The following TMEM163 variants were observed in gnomAD, a reference collection of about 807,000 sequenced individuals.
The protein encoded by TMEM163 is transmembrane protein 163.
TMEM163 carries 17 observed loss-of-function variants against 29.3 expected under a neutral mutation model. That is an observed-to-expected ratio of 0.58 (90% confidence interval 0.40 to 0.87). The LOEUF (loss-of-function observed/expected upper bound fraction) is 0.87, where lower values mean the gene tolerates loss of function less well. TMEM163 is among the 40% of genes least tolerant of loss of function. TMEM163 has a pLI of 0.00. For synonymous variants in TMEM163, 157 were observed against 160.6 expected, an observed-to-expected ratio of 0.98 and a Z score of 0.17; for missense variants, 303 against 381.5, an observed-to-expected ratio of 0.79 and a Z score of 1.71.
intron 4 of TMEM163, among the ~76,000 whole-genome samples, chr2:134,538,571 C>T (rs750258900): frequency 1.2e-4 from 19 of 152,140 alleles, no homozygotes; most frequent in Non-Finnish European, 2.2e-4. Context: ...GCCCATCAAC[C>T]GATGAATGGA....
At chr2:134,681,349 C>A (rs1684229522) in intron 2 of TMEM163, among the ~76,000 whole-genome samples, 1 of 152,186 alleles carries the variant, frequency 6.6e-6, no homozygotes, top group Non-Finnish European at 1.5e-5. Flanking sequence ...TGCCTCCTAC[C>A]CTCTTCTCCA....
At chr2:134,473,535 C>CAAAA (rs59806390) in intron 5 of TMEM163, among the ~76,000 whole-genome samples, 7,461 of 103,552 alleles carry the variant, frequency 0.072, 604 homozygotes, top group East Asian at 0.32. Context: ...AACTCTGTCT[C>CAAAA]AAAAAAAAAA....
intron 5 of TMEM163, among the ~76,000 whole-genome samples, chr2:134,495,944 C>T (rs936138180): frequency 1.3e-5 from 2 of 152,208 alleles, no homozygotes; most frequent in Admixed American, 6.5e-5. Context: ...GCCATTGCCC[C>T]CTGGAAGCTC....
chr2:134,623,156 G>T lies in TMEM163; in HGVS notation c.323-71065C>A, dbSNP rs189197966. ...CTATTTTCTATCTCTCCCTTCTAAAGGTTTCTGATGGTGGTGAAAATAGAG... is the reference window on the plus strand; with the variant it reads ...CTATTTTCTATCTCTCCCTTCTAAATGTTTCTGATGGTGGTGAAAATAGAG... On this transcript the variant is annotated intron_variant, in intron 2 of 7. Coordinates refer to ENST00000281924, the MANE Select transcript of TMEM163 (RefSeq NM_030923.5). Among the ~76,000 whole-genome samples the T allele has an allele frequency of 1.4e-4, 22 of 152,196 alleles. No homozygotes were observed. The East Asian group carries it at 4.2e-3, about 29-fold the overall frequency.
intron 1 of TMEM163, 101 bp from the exon 2 acceptor site, chr2:134,713,420 G>C: frequency 6.5e-7 from 1 of 1,534,856 alleles, no homozygotes. Context: ...CTAACAGCCC[G>C]TGGGCCAAGA....
At chr2:134,629,267 A>G (rs538364626) in intron 2 of TMEM163, among the ~76,000 whole-genome samples, 1 of 152,364 alleles carries the variant, frequency 6.6e-6, no homozygotes, top group South Asian at 2.1e-4. Flanking sequence ...TAAGCAATGC[A>G]CTATGCTGCC....
At chr2:134,661,578 C>T (rs1683751942) in intron 2 of TMEM163, among the ~76,000 whole-genome samples, 1 of 152,182 alleles carries the variant, frequency 6.6e-6, no homozygotes, top group Non-Finnish European at 1.5e-5. Flanking sequence ...GTTATGGTTG[C>T]TTAATTTTTC....
chr2:134,707,897 C>CTT (rs35922959), intron 2 of TMEM163, among the ~76,000 whole-genome samples: 20 of 133,656 alleles, frequency 1.5e-4, no homozygotes, highest in African/African-American at 3.8e-4. Flanking sequence ...CAGACCAGAA[C>CTT]TTTTTTTTTT....
At chr2:134,540,731 A>C (rs888166543) in intron 4 of TMEM163, among the ~76,000 whole-genome samples, 5 of 152,264 alleles carry the variant, frequency 3.3e-5, no homozygotes, top group Non-Finnish European at 1.5e-5. Flanking sequence ...CAGGTGTTAA[A>C]TAATACCTCT....
chr2:134,612,696 A>T (rs1280067236), intron 2 of TMEM163, among the ~76,000 whole-genome samples: 2 of 152,164 alleles, frequency 1.3e-5, no homozygotes, highest in African/African-American at 2.4e-5. Flanking sequence ...CACTATAGGA[A>T]ATATAGATGT....
chr2:134,544,646 T>G (rs1329931966), intron 4 of TMEM163, among the ~76,000 whole-genome samples: 2 of 151,970 alleles, frequency 1.3e-5, no homozygotes, highest in Non-Finnish European at 2.9e-5. Context: ...ATACAAAAAA[T>G]TAGCCGGGTG....
chr2:134,679,846 C>G (rs1241712364), intron 2 of TMEM163, among the ~76,000 whole-genome samples: 1 of 152,160 alleles, frequency 6.6e-6, no homozygotes, highest in Non-Finnish European at 1.5e-5. Context: ...GTGATGAGCT[C>G]ACCCACAAGG....
chr2:134,595,363 T>C (rs1682051964), intron 2 of TMEM163, among the ~76,000 whole-genome samples: 1 of 151,600 alleles, frequency 6.6e-6, no homozygotes, highest in Non-Finnish European at 1.5e-5. Flanking sequence ...GAGCATGCAG[T>C]GTTTGGTTTT....
At chr2:134,598,786 G>A (rs150241313) in intron 2 of TMEM163, among the ~76,000 whole-genome samples, 1 of 152,070 alleles carries the variant, frequency 6.6e-6, no homozygotes, top group East Asian at 1.9e-4. Context: ...CAGGTATGGT[G>A]GCTCATGCCT....
At chr2:134,713,902 C>G (rs964900299) in intron 1 of TMEM163, among the ~76,000 whole-genome samples, 1 of 152,218 alleles carries the variant, frequency 6.6e-6, no homozygotes, top group African/African-American at 2.4e-5. Context: ...AAATTATATG[C>G]CACGTTTCCT....
chr2:134,625,948 A>C (rs923409316), intron 2 of TMEM163, among the ~76,000 whole-genome samples: 1 of 152,122 alleles, frequency 6.6e-6, no homozygotes, highest in African/African-American at 2.4e-5. Flanking sequence ...ATAACAAATG[A>C]CCACAAATTT....
At chr2:134,664,896 G>T (rs1440566010) in intron 2 of TMEM163, among the ~76,000 whole-genome samples, 1 of 151,726 alleles carries the variant, frequency 6.6e-6, no homozygotes, top group African/African-American at 2.4e-5. Context: ...GTTTTGTTTT[G>T]TTTGAGACAG....
intron 2 of TMEM163, among the ~76,000 whole-genome samples, chr2:134,688,598 C>T (rs922308379): frequency 1.3e-5 from 2 of 152,084 alleles, no homozygotes; most frequent in Non-Finnish European, 2.9e-5. Context: ...TTTAGTTCTC[C>T]CACCACCCAA....
chr2:134,638,754 G>A (rs753469337), intron 2 of TMEM163, among the ~76,000 whole-genome samples: 3 of 152,164 alleles, frequency 2.0e-5, no homozygotes, highest in Admixed American at 6.5e-5. Context: ...CTCCTACAGC[G>A]TTTCCAAGCC....
Sources: allele counts gnomAD v4.1 joint callset (sites outside exome capture counted in the v4.1 genomes callset), GRCh38; gene constraint gnomAD v4.1.1; transcripts MANE v1.5; gene names NCBI Gene and HGNC (gene_info 2026-07-23, HGNC 2026-07-21).